The following PRDM2 variants were observed in gnomAD, a reference collection of about 807,000 sequenced individuals.
The protein encoded by PRDM2 is PR/SET domain 2.
In PRDM2, 30 loss-of-function variants were observed where a neutral mutation model predicts 130.0. The ratio of observed to expected loss-of-function variants is 0.23; its 90% CI spans 0.17 to 0.31. The LOEUF (loss-of-function observed/expected upper bound fraction) is 0.31, where lower values mean the gene tolerates loss of function less well. Among genes scored for constraint, PRDM2 ranks in the 10% least tolerant of loss-of-function variants. PRDM2 has a pLI of 1.00. For synonymous variants in PRDM2, 871 were observed against 782.4 expected (o/e 1.11, Z -1.89); for missense variants, 2,011 against 2,108.4 (o/e 0.95, Z 0.90).
At chr1:13,783,855 G>A (rs1209998966) in intron 8 of PRDM2, among the ~76,000 whole-genome samples, 1 of 152,118 alleles carries the variant, frequency 6.6e-6, no homozygotes, top group Non-Finnish European at 1.5e-5. Flanking sequence ...TCATGCTATA[G>A]CTTTTGGTGT....
At position 13,824,184 on chromosome 1, in the gene PRDM2, G is replaced by A. The variant is rs999072066; in HGVS notation, c.*1049G>A. ...TGGCGTTTGGACCCAGTTCAGTGAG[G>A]TTCTTGGGTTTTGTGCCTTTGGGGC... On this transcript the variant is annotated 3_prime_UTR_variant, in exon 10 of 10. Coordinates refer to ENST00000311066, the MANE Select transcript of PRDM2 (RefSeq NM_001393986.1). 1.3e-5 allele frequency: 2 copies of A among 152,642 alleles called. No homozygotes were observed. Among genetic ancestry groups the A allele is most frequent in the East Asian group, 1.9e-4 (1 of 5,182 alleles). The allele number at this position is 152,642 out of a possible 1,614,324, so 9.5% of individuals were successfully genotyped here.
At chr1:13,728,077 G>A (rs764253491) in intron 2 of PRDM2, among the ~76,000 whole-genome samples, 1 of 152,098 alleles carries the variant, frequency 6.6e-6, no homozygotes, top group Non-Finnish European at 1.5e-5. Context: ...AGAAATTCAG[G>A]CACATGTGGA....
rs575717812 is a variant in PRDM2, at chr1:13,803,327, A to G, written c.5037-13100A>G. ...TTTGTTCAGGAAACGTTCTCTGAGC[A>G]CCAGCCTTTGCTAGGCCCCGTGGCA... On this transcript the variant is annotated intron_variant, in intron 8 of 9. Coordinates refer to ENST00000311066, the MANE Select transcript of PRDM2 (RefSeq NM_001393986.1). This position sits in a 1 kb window ranked among gnomAD's most constrained non-coding sequence, Gnocchi z 6.2. Among the ~76,000 whole-genome samples, 52 of 152,300 alleles carry G rather than the reference A, an allele frequency of 3.4e-4. 1 individual carries two copies. The highest frequency in any genetic ancestry group is 1.0e-3 in the South Asian group (5 of 4,826).
intron 6 of PRDM2, among the ~76,000 whole-genome samples, chr1:13,753,145 C>T (rs1282044858): frequency 6.6e-6 from 1 of 152,158 alleles, no homozygotes; most frequent in Non-Finnish European, 1.5e-5. Context: ...GCTGATTCAC[C>T]CTTATTTTAG....
intron 6 of PRDM2, among the ~76,000 whole-genome samples, chr1:13,753,815 G>A (rs1286156255): frequency 1.3e-5 from 2 of 152,160 alleles, no homozygotes; most frequent in Non-Finnish European, 2.9e-5. Flanking sequence ...GGAACCTTGG[G>A]GACTGAGAAG....
intron 7 of PRDM2, among the ~76,000 whole-genome samples, chr1:13,775,516 A>G (rs1363200212): frequency 6.6e-6 from 1 of 152,160 alleles, no homozygotes; most frequent in Non-Finnish European, 1.5e-5. Context: ...AATTTATGAA[A>G]TTAGTCTAGG....
rs74324022 is a variant in PRDM2 at position 13,769,543 on chromosome 1, C to A, written c.512-3535C>A. 7.0e-3 allele frequency among the ~76,000 whole-genome samples: 1,072 copies of A among 152,234 alleles called. 13 individuals are homozygous for A. The highest frequency in any genetic ancestry group is 0.043 in the East Asian group (223 of 5,172). On this transcript the variant is annotated intron_variant, in intron 6 of 9. Coordinates refer to ENST00000311066, the MANE Select transcript of PRDM2 (RefSeq NM_001393986.1). The stretch of plus-strand genomic sequence containing the variant: ...GGCAGGACAGGTGATTTCAATAGCC[C>A]CTTCATCTCTAGTCCAAGGCCCTCA...
intron 8 of PRDM2, among the ~76,000 whole-genome samples, chr1:13,789,548 G>C (rs1367617781): frequency 2.0e-5 from 3 of 152,194 alleles, no homozygotes; most frequent in Non-Finnish European, 2.9e-5. Context: ...ACAAGGAGAT[G>C]CTTCTAGCTT....
intron 8 of PRDM2, among the ~76,000 whole-genome samples, chr1:13,811,313 G>A (rs1645169128): frequency 1.3e-5 from 2 of 152,186 alleles, no homozygotes; most frequent in South Asian, 2.1e-4. Context: ...GCAATGGCTC[G>A]TTAACGCTTA....
chr1:13,805,924 G>C (rs116437465), intron 8 of PRDM2, among the ~76,000 whole-genome samples: 1 of 152,028 alleles, frequency 6.6e-6, no homozygotes, highest in East Asian at 1.9e-4. Context: ...TCTGAAAGCC[G>C]GCAGCTCCTT....
At chr1:13,750,520 A>AT (rs1470793498) in intron 6 of PRDM2, among the ~76,000 whole-genome samples, 1 of 152,188 alleles carries the variant, frequency 6.6e-6, no homozygotes, top group Non-Finnish European at 1.5e-5. Context: ...AAATAAAATC[A>AT]TATCGTAAAC....
At chr1:13,776,336 C>T (rs1229464697) in intron 7 of PRDM2, among the ~76,000 whole-genome samples, 3 of 152,136 alleles carry the variant, frequency 2.0e-5, no homozygotes, top group Non-Finnish European at 4.4e-5. Context: ...CTGCCTCCTC[C>T]GTGGAACCTT....
At chr1:13,814,665 G>A (rs907880684) in intron 8 of PRDM2, among the ~76,000 whole-genome samples, 1 of 152,136 alleles carries the variant, frequency 6.6e-6, no homozygotes, top group Non-Finnish European at 1.5e-5. Flanking sequence ...GAAAGCCAAC[G>A]ATGTCTCCAC....
chr1:13,734,753 T>TA (rs1643215349), intron 4 of PRDM2, among the ~76,000 whole-genome samples: 2 of 152,096 alleles, frequency 1.3e-5, no homozygotes, highest in Non-Finnish European at 2.9e-5. Context: ...TTCCTGCAAT[T>TA]AAAAAAAATC....
At chr1:13,769,648 GA>G (rs1348864768) in intron 6 of PRDM2, among the ~76,000 whole-genome samples, 1 of 152,170 alleles carries the variant, frequency 6.6e-6, no homozygotes, top group Non-Finnish European at 1.5e-5. Context: ...CAATTCCATG[GA>G]TGAATGATAT....
chr1:13,749,593 C>A, intron 6 of PRDM2, 106 bp downstream of exon 6: 2 of 770,150 alleles, frequency 2.6e-6, no homozygotes, highest in Non-Finnish European at 3.2e-6. Flanking sequence ...GGGTCGCGGG[C>A]TCGGGCGGCG....
intron 6 of PRDM2, among the ~76,000 whole-genome samples, chr1:13,751,480 C>A (rs1250095656): frequency 6.6e-6 from 1 of 150,504 alleles, no homozygotes; most frequent in Non-Finnish European, 1.5e-5. Context: ...AAATTAAATA[C>A]TCAGTTAAAA....
intron 2 of PRDM2, among the ~76,000 whole-genome samples, chr1:13,721,094 T>A (rs1642713430): frequency 6.6e-6 from 1 of 152,250 alleles, no homozygotes; most frequent in African/African-American, 2.4e-5. Context: ...TGGGGTTTCA[T>A]AGGAGTGGAA....
Position 13,778,706 on chromosome 1 carries a change from C to G in PRDM2, c.911C>G (p.Ser304Cys), listed in dbSNP as rs1368238376. The change falls in exon 8 of 10, where the codon TCT becomes TGT. Residue 304 changes from serine (S) to cysteine (C), a missense_variant. Physicochemically the swap from Ser to Cys is moderately radical, Grantham distance 112. Coordinates refer to ENST00000311066, the MANE Select transcript of PRDM2 (RefSeq NM_001393986.1). The part of the protein sequence containing the change: ...EEEASMPNEN[S>C]VKEPEIRCDE... The stretch of plus-strand genomic sequence containing the variant: ...GAAGCCAGCATGCCAAATGAAAATT[C>G]TGTGAAAGAGCCAGAAATACGGTGT... 6.2e-7 allele frequency: 1 copy of G among 1,614,118 alleles called. No individual in the cohort carries two copies. The highest frequency in any genetic ancestry group is 1.3e-5 in the African/African-American group (1 of 75,014).
Sources: allele counts gnomAD v4.1 joint callset (sites outside exome capture counted in the v4.1 genomes callset), GRCh38; gene constraint gnomAD v4.1.1; non-coding constraint Gnocchi (gnomAD v3.1); transcripts MANE v1.5; gene names NCBI Gene and HGNC (gene_info 2026-07-23, HGNC 2026-07-21).